ADARB2: variants seen among roughly 807,000 people sequenced by gnomAD.
The protein encoded by ADARB2 is adenosine deaminase RNA specific B2 (inactive), also known as inactive double-stranded RNA-specific editase B2.
Under a neutral mutation model 62.2 loss-of-function variants are expected in ADARB2, and 25 were observed. That is an observed-to-expected ratio of 0.40 (90% CI 0.29 to 0.56). The LOEUF is 0.56. Ranked by LOEUF, ADARB2 falls within the 20% of genes least tolerant of loss-of-function variation. The pLI, the probability that ADARB2 is intolerant of heterozygous loss-of-function variation, is 0.43. For missense variants in ADARB2, 1,071 were observed against 1,077.4 expected (o/e 0.99, Z 0.08); for synonymous variants, 572 against 500.8 (o/e 1.14, Z -1.90).
chr10:1,349,212 TG>T (rs990129017), intron 3 of ADARB2, among the ~76,000 whole-genome samples: 8 of 152,148 alleles, frequency 5.3e-5, no homozygotes, highest in Non-Finnish European at 1.5e-5. Flanking sequence ...AAAGCTCCCC[TG>T]CTGAGCACCT....
chr10:1,563,262 A>G (rs1396109433), intron 1 of ADARB2, among the ~76,000 whole-genome samples: 1 of 152,028 alleles, frequency 6.6e-6, no homozygotes, highest in Non-Finnish European at 1.5e-5. Context: ...AGAGCTGTCC[A>G]TGGTGAGAAC....
rs189789673 is a variant in ADARB2 at position 1,185,026 on chromosome 10, G to A, written c.1878C>T (p.Ala626=). The change falls in exon 9 of 10, where the codon GCC becomes GCT. Residue 626 remains alanine (A), a synonymous_variant. Transcript: ENST00000381312. ...NRPLLSGVSD[A]EARQPGKSPP... ...GCGACTTCCCCGGCTGGCGCGCCTC[G>A]GCGTCACTCACGCCTGTCGGGGAGA... is the stretch of plus-strand genomic sequence containing the variant. 1.6e-4 allele frequency: 260 copies of A among 1,612,552 alleles called. No homozygotes were observed. Among genetic ancestry groups the A allele is most frequent in the Non-Finnish European group, 2.0e-4 (234 of 1,179,594 alleles).
At chr10:1,731,298 G>A (rs1588369844) in intron 1 of ADARB2, among the ~76,000 whole-genome samples, 2 of 152,230 alleles carry the variant, frequency 1.3e-5, no homozygotes, top group South Asian at 2.1e-4. Context: ...AAATAGCCCC[G>A]TCCTCCATTC....
intron 3 of ADARB2, among the ~76,000 whole-genome samples, chr10:1,324,859 G>A (rs904357511): frequency 2.6e-5 from 4 of 152,130 alleles, no homozygotes; most frequent in Non-Finnish European, 5.9e-5. Context: ...CTAAACAAAC[G>A]CAAGTACAAT....
intron 1 of ADARB2, among the ~76,000 whole-genome samples, chr10:1,712,344 G>C (rs1164934015): frequency 6.6e-6 from 1 of 152,072 alleles, no homozygotes; most frequent in African/African-American, 2.4e-5. Flanking sequence ...ATTTCACACA[G>C]CTCTAGCAGG....
At chr10:1,553,426 C>T (rs1458203223) in intron 1 of ADARB2, among the ~76,000 whole-genome samples, 3 of 152,170 alleles carry the variant, frequency 2.0e-5, no homozygotes, top group Non-Finnish European at 2.9e-5. Context: ...GGCACCCGAC[C>T]TCTCACTAAA....
chr10:1,423,994 A>G (rs1418724445), intron 1 of ADARB2, among the ~76,000 whole-genome samples: 2 of 151,978 alleles, frequency 1.3e-5, no homozygotes, highest in Non-Finnish European at 2.9e-5. Context: ...TATGACCATT[A>G]TGTATGCAGT....
Position 1,359,576 on chromosome 10 carries a change from C to T in ADARB2, c.1077+3452G>A, listed in dbSNP as rs533563326. 8.5e-5 allele frequency among the ~76,000 whole-genome samples: 13 copies of T among 152,338 alleles called. No homozygotes were observed. In the East Asian group the frequency reaches 2.3e-3, roughly 27 times the overall value. On this transcript the variant is annotated intron_variant, in intron 3 of 9. Transcript: ENST00000381312. The stretch of plus-strand genomic sequence containing the variant: ...TCTTTACCACTGGAGGGTGGCTTCA[C>T]GTGTTTATAAGGAAGCTGATATTGT...
chr10:1,706,676 T>C (rs1403287493), intron 1 of ADARB2, among the ~76,000 whole-genome samples: 1 of 152,220 alleles, frequency 6.6e-6, no homozygotes, highest in Non-Finnish European at 1.5e-5. Context: ...CTTTCTGCAG[T>C]AATTGAGAAT....
intron 2 of ADARB2, among the ~76,000 whole-genome samples, chr10:1,365,163 C>T (rs1017901526): frequency 2.0e-5 from 3 of 152,214 alleles, no homozygotes; most frequent in South Asian, 4.2e-4. Context: ...AGAGCCACCG[C>T]GCCTGGCCAC....
At chr10:1,449,704 T>A (rs920039128) in intron 1 of ADARB2, among the ~76,000 whole-genome samples, 1 of 152,210 alleles carries the variant, frequency 6.6e-6, no homozygotes, top group Non-Finnish European at 1.5e-5. Flanking sequence ...GGGGACACAG[T>A]GAGGCTCATC....
chr10:1,208,247 C>G (rs1837095742), intron 7 of ADARB2, among the ~76,000 whole-genome samples: 2 of 152,238 alleles, frequency 1.3e-5, no homozygotes, highest in African/African-American at 4.8e-5. Flanking sequence ...GTGCCAGCCT[C>G]CTAGGGCTGC....
intron 1 of ADARB2, among the ~76,000 whole-genome samples, chr10:1,438,150 G>C (rs1310166527): frequency 6.6e-6 from 1 of 152,202 alleles, no homozygotes; most frequent in Non-Finnish European, 1.5e-5. Context: ...GGACAGAGCA[G>C]GTCCTTCACT....
At chr10:1,669,535 AAC>A (rs1324025649) in intron 1 of ADARB2, among the ~76,000 whole-genome samples, 1 of 150,606 alleles carries the variant, frequency 6.6e-6, no homozygotes, top group Non-Finnish European at 1.5e-5. Flanking sequence ...CACAGAGAAA[AAC>A]ACAGGCACAC....
At chr10:1,566,059 C>T (rs1832857293) in intron 1 of ADARB2, among the ~76,000 whole-genome samples, 1 of 103,120 alleles carries the variant, frequency 9.7e-6, no homozygotes, top group Non-Finnish European at 1.8e-5. Context: ...TGAGCTCAGT[C>T]TAGCAAAAAA....
intron 1 of ADARB2, among the ~76,000 whole-genome samples, chr10:1,430,116 G>A (rs776348667): frequency 1.3e-5 from 2 of 152,158 alleles, no homozygotes; most frequent in Non-Finnish European, 2.9e-5. Context: ...GAGTGTAAGA[G>A]AACTAAGTGA....
intron 1 of ADARB2, among the ~76,000 whole-genome samples, chr10:1,503,626 T>C (rs1831795458): frequency 6.6e-6 from 1 of 152,134 alleles, no homozygotes; most frequent in Non-Finnish European, 1.5e-5. Flanking sequence ...CCCATCCACA[T>C]CTCATGTTAA....
At chr10:1,234,970 C>T (rs2131771952) in intron 5 of ADARB2, among the ~76,000 whole-genome samples, 1 of 152,208 alleles carries the variant, frequency 6.6e-6, no homozygotes, top group Non-Finnish European at 1.5e-5. Context: ...TGGTTTTGAA[C>T]TCCTGACTTC....
chr10:1,464,414 C>G (rs111356050), intron 1 of ADARB2, among the ~76,000 whole-genome samples: 2 of 115,518 alleles, frequency 1.7e-5, no homozygotes, highest in Non-Finnish European at 1.9e-5. Context: ...CCCCCACACA[C>G]GCGCGGGGGC....
Sources: allele counts gnomAD v4.1 joint callset (sites outside exome capture counted in the v4.1 genomes callset), GRCh38; gene constraint gnomAD v4.1.1; transcripts MANE v1.5; gene names NCBI Gene and HGNC (gene_info 2026-07-23, HGNC 2026-07-21).